Variants in NALF2 observed in about 807,000 individuals in gnomAD.
NALF2 encodes the protein NALCN channel auxiliary factor 2.
In NALF2, 1 loss-of-function variant was observed where a neutral mutation model predicts 24.8. The ratio of observed to expected loss-of-function variants is 0.04; its 90% confidence interval spans 0.01 to 0.19. The LOEUF is 0.19. Among genes scored for constraint, NALF2 ranks in the 10% least tolerant of loss-of-function variants. The pLI is 1.00. For missense variants in NALF2, 458 were observed against 409.6 expected (o/e 1.12, Z -1.02); for synonymous variants, 254 against 189.8 (o/e 1.34, Z -2.78).
At chrX:69,524,651 C>T (rs1394351105) in intron 1 of NALF2, among the ~76,000 whole-genome samples, 1 of 110,981 alleles carries the variant, frequency 9.0e-6, no homozygotes, top group Non-Finnish European at 1.9e-5. Flanking sequence ...CCCCGTCAAC[C>T]CCTGGCTCAG....
At chrX:69,527,650 T>C (rs1228598456) in intron 1 of NALF2, among the ~76,000 whole-genome samples, 1 of 111,879 alleles carries the variant, frequency 8.9e-6, no homozygotes, top group African/African-American at 3.3e-5. Context: ...TGAGGCACTC[T>C]GAAGTCTGAG....
intron 1 of NALF2, among the ~76,000 whole-genome samples, chrX:69,527,563 C>G (rs904321677): frequency 1.8e-5 from 2 of 112,271 alleles, no homozygotes; most frequent in African/African-American, 6.5e-5. Context: ...AATGCAGATT[C>G]TGAGCCCACC....
intron 1 of NALF2, among the ~76,000 whole-genome samples, chrX:69,526,918 AATTCTAAATGCATC>A (rs1930816713): frequency 1.8e-5 from 2 of 112,608 alleles, no homozygotes; most frequent in East Asian, 5.6e-4. Context: ...TCAGAAGCTT[AATTCTAAATGCATC>A]AAAGGGTTTG....
rs1399339514 is a variant in NALF2, at chrX:69,531,518, G to A, written c.*1562G>A. On this transcript the variant is annotated 3_prime_UTR_variant, in exon 3 of 3. Transcript: ENST00000252338. ...CCTGGGACAGGCCAGGGAGCCTTTAGTGCCAGCAGGGCCTGTGTCCTGGGA... is the reference window on the plus strand; with the variant it reads ...CCTGGGACAGGCCAGGGAGCCTTTAATGCCAGCAGGGCCTGTGTCCTGGGA... The A allele has an allele frequency of 1.8e-5, 2 of 112,122 alleles. No individual in the cohort carries two copies. The highest frequency in any genetic ancestry group is 3.8e-5 in the Non-Finnish European group (2 of 53,164). 9.2% of individuals were successfully genotyped at this position (112,122 alleles called of 1,213,427 possible).
chrX:69,505,364 A>C lies in NALF2; in HGVS notation c.82A>C (p.Arg28=). 8.6e-7 allele frequency: 1 copy of C among 1,158,201 alleles called. No homozygotes were observed. The highest frequency in any genetic ancestry group is 1.2e-6 in the Non-Finnish European group (1 of 869,123). The change falls in exon 1 of 3, where the codon AGG becomes CGG. Residue 28 remains arginine, a synonymous_variant. Coordinates refer to ENST00000252338, the MANE Select transcript of NALF2 (RefSeq NM_015686.3). The part of the protein sequence containing the change: ...ICCCCCCWAP[R]PSDKPCADSE... ...CTGCTGCTGCTGCTGCTGGGCTCCC[A>C]GGCCGAGCGACAAACCTTGCGCCGA...
chrX:69,524,924 T>TC (rs1930784861), intron 1 of NALF2, among the ~76,000 whole-genome samples: 3 of 112,121 alleles, frequency 2.7e-5, no homozygotes, highest in Non-Finnish European at 5.6e-5. Context: ...TGCCTGTTCC[T>TC]GCCTCGCCAC....
At chrX:69,519,419 C>T (rs1930704210) in intron 1 of NALF2, among the ~76,000 whole-genome samples, 1 of 111,596 alleles carries the variant, frequency 9.0e-6, no homozygotes, top group Non-Finnish European at 1.9e-5. Flanking sequence ...TCTACAGTCT[C>T]ATGAGTGTAT....
rs1930837690 is a variant in NALF2, at chrX:69,528,317, T to G, written c.862-676T>G. Among the ~76,000 whole-genome samples, 5 of 111,972 alleles carry G rather than the reference T, an allele frequency of 4.5e-5. No homozygotes were observed. In the Admixed American group the frequency reaches 4.7e-4, roughly 11 times the overall value. ...AAATGAAACGTAGCAGTGTGTTTGATGTCTGCTCCATGCCAGAGCGGAAGC... is the reference window on the plus strand; with the variant it reads ...AAATGAAACGTAGCAGTGTGTTTGAGGTCTGCTCCATGCCAGAGCGGAAGC... On this transcript the variant is annotated intron_variant, in intron 1 of 2. Transcript: ENST00000252338.
Position 69,504,436 on chromosome X carries a change from A to C in NALF2, c.-847A>C, listed in dbSNP as rs982868163. 8.8e-6 allele frequency among the ~76,000 whole-genome samples: 1 copy of C among 113,477 alleles called. No individual in the cohort carries two copies. Among genetic ancestry groups the C allele is most frequent in the African/African-American group, 3.2e-5 (1 of 31,346 alleles). On this transcript the variant is annotated 5_prime_UTR_variant, in exon 1 of 3. Transcript: ENST00000252338. Reference sequence around the variant, plus strand: ...TCTCCGCACAGCGGAAGATGGCGACAGACTGAGGGTGCATGGCCAGCGGGA... The same window carrying C: ...TCTCCGCACAGCGGAAGATGGCGACCGACTGAGGGTGCATGGCCAGCGGGA...
At chrX:69,518,758 C>T (rs1930696822) in intron 1 of NALF2, among the ~76,000 whole-genome samples, 1 of 112,076 alleles carries the variant, frequency 8.9e-6, no homozygotes, top group Non-Finnish European at 1.9e-5. Flanking sequence ...TAGCCCTCTA[C>T]TCCACCCCTG....
chrX:69,520,942 G>A (rs943735017), intron 1 of NALF2, among the ~76,000 whole-genome samples: 2 of 111,843 alleles, frequency 1.8e-5, no homozygotes, highest in Non-Finnish European at 3.8e-5. Flanking sequence ...CTGTGCCTCC[G>A]GTCTTGATGC....
intron 1 of NALF2, among the ~76,000 whole-genome samples, chrX:69,506,380 G>A (rs1930487526): frequency 8.9e-6 from 1 of 112,681 alleles, no homozygotes; most frequent in Non-Finnish European, 1.9e-5. Flanking sequence ...CTTAGGCCTG[G>A]GGCTTCCTGG....
chrX:69,506,150 A>C lies in NALF2; in HGVS notation c.861+7A>C. 1 of 1,197,095 alleles carries C rather than the reference A, an allele frequency of 8.4e-7. No homozygotes were observed. Among genetic ancestry groups the C allele is most frequent in the Non-Finnish European group, 1.1e-6 (1 of 889,170 alleles). On this transcript the variant is annotated splice_region_variant and intron_variant, in intron 1 of 2. Coordinates refer to ENST00000252338, the MANE Select transcript of NALF2 (RefSeq NM_015686.3). ...CTGCACGAAAGGCTGTAAGGTAAGG[A>C]CTGGCTTCCGCAGCCACAGCAGCCG... is the stretch of plus-strand genomic sequence containing the variant.
intron 1 of NALF2, among the ~76,000 whole-genome samples, chrX:69,520,664 G>A (rs973612756): frequency 1.8e-5 from 2 of 111,222 alleles, no homozygotes; most frequent in Non-Finnish European, 3.8e-5. Flanking sequence ...TGAATTTATC[G>A]TCTTCACCCC....
chrX:69,505,677 C>A lies in NALF2; in HGVS notation c.395C>A (p.Pro132Gln). 1 of 1,207,314 alleles carries A rather than the reference C, an allele frequency of 8.3e-7. No individual in the cohort carries two copies. The highest frequency in any genetic ancestry group is 1.1e-6 in the Non-Finnish European group (1 of 894,025). ...TKAAPAAGSR[P>Q]VCGGVPEPTG... ...GCCGCCCCCGCCGCCGGCTCTCGGC[C>A]GGTCTGCGGCGGCGTCCCAGAGCCC... The change falls in exon 1 of 3, where the codon CCG becomes CAG. Residue 132 changes from proline to glutamine, a missense_variant. Transcript: ENST00000252338.
chrX:69,524,248 C>T, intron 1 of NALF2, among the ~76,000 whole-genome samples: 1 of 109,662 alleles, frequency 9.1e-6, no homozygotes, highest in East Asian at 2.9e-4. Flanking sequence ...AAGGTGTGCA[C>T]CACCACACCC....
Position 69,529,783 on chromosome X carries a change from G to T in NALF2, c.1246G>T (p.Ala416Ser), listed in dbSNP as rs773653785. 8.3e-7 allele frequency: 1 copy of T among 1,209,472 alleles called. No individual in the cohort carries two copies. The highest frequency in any genetic ancestry group is 1.1e-6 in the Non-Finnish European group (1 of 895,043). Residue 416 changes from alanine (A) to serine (S), a missense_variant, in exon 3 of 3, where the codon GCC (alanine) becomes TCC (serine). Transcript: ENST00000252338. ...DPPGRVSNKP[A>S]LLPVSGGSRL... ...CCCAGGCCGTGTCAGCAACAAGCCC[G>T]CCCTGCTGCCGGTCTCTGGGGGCTC...
chrX:69,512,015 T>A (rs1004239984), intron 1 of NALF2, among the ~76,000 whole-genome samples: 6 of 111,573 alleles, frequency 5.4e-5, no homozygotes, highest in Non-Finnish European at 9.4e-5. Flanking sequence ...TGAGGCAGTT[T>A]ACCTTCTGTG....
chrX:69,511,151 C>T (rs1166391932), intron 1 of NALF2, among the ~76,000 whole-genome samples: 1 of 109,740 alleles, frequency 9.1e-6, no homozygotes, highest in African/African-American at 3.3e-5. Flanking sequence ...TATCTCCACC[C>T]CCTTCCACCT....
Sources: gnomAD v4.1 joint callset for allele counts (sites outside exome capture counted in the v4.1 genomes callset) on GRCh38, gnomAD v4.1.1 for gene constraint, MANE v1.5 for transcripts, NCBI Gene and HGNC (gene_info 2026-07-23, HGNC 2026-07-21) for gene names.